The following SYT11 variants were observed in gnomAD, a reference collection of about 807,000 sequenced individuals.
SYT11 encodes the protein synaptotagmin-11.
Under a neutral mutation model 30.4 loss-of-function variants are expected in SYT11, and 12 were observed. The observed-to-expected ratio is 0.39, with a 90% confidence interval of 0.25 to 0.64. The LOEUF (loss-of-function observed/expected upper bound fraction) is 0.64. SYT11 is among the 30% of genes least tolerant of loss of function. SYT11 has a pLI of 0.45. For missense variants in SYT11, 412 were observed against 552.0 expected, an observed-to-expected ratio of 0.75 and a Z score of 2.54; for synonymous variants, 204 against 216.0, an observed-to-expected ratio of 0.94 and a Z score of 0.49.
intron 2 of SYT11, among the ~76,000 whole-genome samples, chr1:155,875,321 A>G (rs1361562933): frequency 5.9e-5 from 9 of 151,818 alleles, no homozygotes; most frequent in African/African-American, 2.2e-4. Context: ...TCTCTCTAGC[A>G]GAGAAAAAAC....
intron 2 of SYT11, among the ~76,000 whole-genome samples, chr1:155,875,532 T>C (rs1243702045): frequency 6.6e-6 from 1 of 151,912 alleles, no homozygotes; most frequent in East Asian, 1.9e-4. Flanking sequence ...GCCTCCTGAG[T>C]AGCTGGGATT....
intron 1 of SYT11, among the ~76,000 whole-genome samples, chr1:155,864,289 G>T (rs1672635146): frequency 6.6e-6 from 1 of 152,112 alleles, no homozygotes; most frequent in East Asian, 1.9e-4. Flanking sequence ...ACAATGCCTG[G>T]CAGGGACATA....
At chr1:155,869,182 A>G (rs966605171) in intron 2 of SYT11, among the ~76,000 whole-genome samples, 1 of 151,228 alleles carries the variant, frequency 6.6e-6, no homozygotes, top group Non-Finnish European at 1.5e-5. Context: ...CTGAGAAGCT[A>G]TGACAATAAT....
Position 155,868,148 on chromosome 1 carries a change from A to G in SYT11, c.218A>G (p.Lys73Arg). 1 of 1,614,106 alleles carries G rather than the reference A, an allele frequency of 6.2e-7. No individual in the cohort carries two copies. The highest frequency in any genetic ancestry group is 1.1e-5 in the South Asian group (1 of 91,080). The change falls in exon 2 of 4, where the codon AAG becomes AGG. Residue 73 changes from lysine (K) to arginine (R), a missense_variant. Coordinates refer to ENST00000368324, the MANE Select transcript of SYT11 (RefSeq NM_152280.5). The surrounding 1 kb of genome is among the most constrained non-coding windows in gnomAD (Gnocchi z 4.7). ...SIYPETLSNKKKIIKVRRDKD... is the reference protein window; with the variant it reads ...SIYPETLSNKRKIIKVRRDKD... ...TACCCAGAGACCCTCAGCAACAAGAAGAAAATCATCAAAGTGCGGAGAGAC... is the reference window on the plus strand; with the variant it reads ...TACCCAGAGACCCTCAGCAACAAGAGGAAAATCATCAAAGTGCGGAGAGAC...
chr1:155,863,447 C>T (rs539335765), intron 1 of SYT11, among the ~76,000 whole-genome samples: 37 of 151,626 alleles, frequency 2.4e-4, no homozygotes, highest in Non-Finnish European at 4.0e-4. Flanking sequence ...AGTGAGACCA[C>T]GTCTCTAAAA....
intron 1 of SYT11, among the ~76,000 whole-genome samples, chr1:155,861,535 T>C (rs1372179834): frequency 1.3e-5 from 2 of 152,244 alleles, no homozygotes; most frequent in Non-Finnish European, 2.9e-5. Flanking sequence ...TTATTATATA[T>C]ACTTGCCAGA....
chr1:155,873,994 A>G (rs1223941794), intron 2 of SYT11, among the ~76,000 whole-genome samples: 1 of 152,278 alleles, frequency 6.6e-6, no homozygotes, highest in Non-Finnish European at 1.5e-5. Flanking sequence ...AAGAGCAACC[A>G]GACTGTAATT....
Position 155,859,626 on chromosome 1 carries a change from C to A in SYT11, c.-136C>A, listed in dbSNP as rs564929104. 52 of 809,424 alleles carry A rather than the reference C, an allele frequency of 6.4e-5. No individual in the cohort carries two copies. In the South Asian group the frequency reaches 7.2e-4, roughly 11 times the overall value. The allele number at this position is 809,424 out of a possible 1,614,324, so 50.1% of individuals were successfully genotyped here. ...AGCTGACAACTAGGGGCCGGACCGT[C>A]GCAGGAGGCGTCCGCTGGATACCTT... On this transcript the variant is annotated 5_prime_UTR_variant, in exon 1 of 4. Coordinates refer to ENST00000368324, the MANE Select transcript of SYT11 (RefSeq NM_152280.5).
rs1672736785 is a variant in SYT11 at position 155,868,915 on chromosome 1, G to A, written c.861+124G>A. 3 of 909,568 alleles carry A rather than the reference G, an allele frequency of 3.3e-6. No individual in the cohort carries two copies. In the South Asian group the frequency reaches 5.2e-5, roughly 16 times the overall value. 56.3% of individuals were successfully genotyped at this position (909,568 alleles called of 1,614,324 possible). On this transcript the variant is annotated intron_variant, in intron 2 of 3. Transcript: ENST00000368324. This position sits in a 1 kb window ranked among gnomAD's most constrained non-coding sequence, Gnocchi z 4.7. ...GAAGGGCTGTAGAGAGGAAGCTCTT[G>A]GATGTCAAGGATAAGCAGTGGTCAG... is the stretch of plus-strand genomic sequence containing the variant.
rs1314081803 is a variant in SYT11, at chr1:155,859,703, G to A, written c.-59G>A. The stretch of plus-strand genomic sequence containing the variant: ...AGCTGCTGCCTCGGTACTGACCGAG[G>A]GTTCCCAGAGCTGTCTCACCATTGC... On this transcript the variant is annotated 5_prime_UTR_variant, in exon 1 of 4. Transcript: ENST00000368324. 8.3e-6 allele frequency: 13 copies of A among 1,559,358 alleles called. No individual in the cohort carries two copies. Among genetic ancestry groups the A allele is most frequent in the Non-Finnish European group, 1.1e-5 (12 of 1,130,440 alleles).
chr1:155,865,031 T>A (rs185395481), intron 1 of SYT11, among the ~76,000 whole-genome samples: 8 of 152,256 alleles, frequency 5.3e-5, no homozygotes, highest in Admixed American at 3.3e-4. Flanking sequence ...CTTTCTAATC[T>A]GTGGAGGCTG....
At position 155,884,465 on chromosome 1, in the gene SYT11, A is replaced by T. The variant is rs771288836; in HGVS notation, c.*2957A>T. 1 of 152,854 alleles carries T rather than the reference A, an allele frequency of 6.5e-6. No homozygotes were observed. Among genetic ancestry groups the T allele is most frequent in the South Asian group, 2.1e-4 (1 of 4,828 alleles). The allele number at this position is 152,854 out of a possible 1,614,324, so 9.5% of individuals were successfully genotyped here. On this transcript the variant is annotated 3_prime_UTR_variant, in exon 4 of 4. Transcript: ENST00000368324. ...GTGCAGGGCTCCTCCCTCCTACCTC[A>T]GGCCTGATCCATCGTGCCCTTGACT...
intron 2 of SYT11, among the ~76,000 whole-genome samples, chr1:155,874,747 G>A (rs1217946773): frequency 6.0e-5 from 9 of 148,984 alleles, no homozygotes; most frequent in African/African-American, 2.2e-4. Context: ...AAAATTAGCC[G>A]GGCATGGTGG....
At position 155,884,947 on chromosome 1, in the gene SYT11, C is replaced by A. The variant is rs774587270; in HGVS notation, c.*3439C>A. The A allele has an allele frequency of 6.6e-6, 1 of 152,628 alleles. No individual in the cohort carries two copies. The highest frequency in any genetic ancestry group is 1.5e-5 in the Non-Finnish European group (1 of 68,028). The allele number at this position is 152,628 out of a possible 1,614,324, so 9.5% of individuals were successfully genotyped here. A position where few individuals can be genotyped will look rare whatever the true frequency, so the allele number is the denominator to read the frequency against. On this transcript the variant is annotated 3_prime_UTR_variant, in exon 4 of 4. Coordinates refer to ENST00000368324, the MANE Select transcript of SYT11 (RefSeq NM_152280.5). Reference sequence around the variant, plus strand: ...TACTATGGCCATGACAGTGACATTGCCCTCACCATGATCCCTCTCCAAAGT... The same window carrying A: ...TACTATGGCCATGACAGTGACATTGACCTCACCATGATCCCTCTCCAAAGT...
chr1:155,880,503 TGCATCA>T lies in SYT11; in HGVS notation c.869_874del (p.Ile290_Ser291del). The T allele has an allele frequency of 6.2e-7, 1 of 1,613,820 alleles. No homozygotes were observed. The highest frequency in any genetic ancestry group is 8.5e-7 in the Non-Finnish European group (1 of 1,179,840). On this transcript the variant is annotated inframe_deletion, in exon 3 of 4. Coordinates refer to ENST00000368324, the MANE Select transcript of SYT11 (RefSeq NM_152280.5). ...ACCTGCCATTTTTTCCTCACAGAAG[TGCATCA>T]GCAGAGGGGAGCTCCAGGTGTCTCT...
At chr1:155,865,888 C>T (rs1672664380) in intron 1 of SYT11, among the ~76,000 whole-genome samples, 1 of 151,452 alleles carries the variant, frequency 6.6e-6, no homozygotes, top group African/African-American at 2.4e-5. Flanking sequence ...TGCCATGTTG[C>T]CCAGGCTACA....
chr1:155,881,621 T>G lies in SYT11; in HGVS notation c.*113T>G. 9.5e-7 allele frequency: 1 copy of G among 1,047,294 alleles called. No individual in the cohort carries two copies. The highest frequency in any genetic ancestry group is 1.4e-6 in the Non-Finnish European group (1 of 732,608). The allele number at this position is 1,047,294 out of a possible 1,614,324, so 64.9% of individuals were successfully genotyped here. On this transcript the variant is annotated 3_prime_UTR_variant, in exon 4 of 4. Transcript: ENST00000368324. Reference sequence around the variant, plus strand: ...CTCATTTTAGTTGTAGAAGAAAATTTCTTACAAAACAAATTCCACAAAGAA... The same window carrying G: ...CTCATTTTAGTTGTAGAAGAAAATTGCTTACAAAACAAATTCCACAAAGAA...
intron 1 of SYT11, among the ~76,000 whole-genome samples, chr1:155,866,802 G>T (rs772172171): frequency 1.3e-4 from 20 of 151,716 alleles, no homozygotes; most frequent in Non-Finnish European, 2.6e-4. Context: ...CACTAATAGG[G>T]AAGAAAACCC....
chr1:155,878,269 A>G (rs180829177), intron 2 of SYT11, among the ~76,000 whole-genome samples: 115 of 152,102 alleles, frequency 7.6e-4, no homozygotes, highest in Non-Finnish European at 5.9e-5. Flanking sequence ...TGCCACTCCT[A>G]TACTCACCAA....
Sources: allele counts gnomAD v4.1 joint callset (sites outside exome capture counted in the v4.1 genomes callset), GRCh38; gene constraint gnomAD v4.1.1; non-coding constraint Gnocchi (gnomAD v3.1); transcripts MANE v1.5; gene names NCBI Gene and HGNC (gene_info 2026-07-23, HGNC 2026-07-21).